MYO16: variants seen among roughly 807,000 people sequenced by gnomAD.
MYO16 encodes myosin XVI, also known as unconventional myosin-XVI.
Under a neutral mutation model 205.3 loss-of-function variants are expected in MYO16, and 94 were observed. The ratio of observed to expected loss-of-function variants is 0.46; its 90% CI spans 0.39 to 0.54. The LOEUF (loss-of-function observed/expected upper bound fraction) is 0.54. MYO16 is among the 20% of genes least tolerant of loss of function. MYO16 has a pLI of 0.00. For missense variants in MYO16, 2,315 were observed against 2,387.5 expected (o/e 0.97, Z 0.63); for synonymous variants, 988 against 954.0 (o/e 1.04, Z -0.66).
At chr13:108,784,019 A>G (rs1318712541) in intron 4 of MYO16, among the ~76,000 whole-genome samples, 1 of 152,162 alleles carries the variant, frequency 6.6e-6, no homozygotes, top group Non-Finnish European at 1.5e-5. Flanking sequence ...TTCCCATGTT[A>G]TGGCTACATG....
At chr13:108,690,432 T>C (rs1382672262) in intron 2 of MYO16, among the ~76,000 whole-genome samples, 5 of 50,708 alleles carry the variant, frequency 9.9e-5, no homozygotes, top group African/African-American at 2.9e-4. Flanking sequence ...GCTATGGGGG[T>C]GCTTTGGAGC....
At chr13:109,143,416 G>C (rs1474133136) in intron 32 of MYO16, among the ~76,000 whole-genome samples, 1 of 152,142 alleles carries the variant, frequency 6.6e-6, no homozygotes, top group African/African-American at 2.4e-5. Flanking sequence ...CTAAATAGCA[G>C]AATGTTTGAA....
At chr13:108,507,924 G>T in the MYO16 span, among the ~76,000 whole-genome samples, 3 of 151,578 alleles carry the variant, frequency 2.0e-5, no homozygotes, top group Non-Finnish European at 4.4e-5. Flanking sequence ...GGCCAAGTCT[G>T]TTGAACATTT....
At chr13:108,981,898 T>C (rs1236440481) in intron 20 of MYO16, among the ~76,000 whole-genome samples, 1 of 152,186 alleles carries the variant, frequency 6.6e-6, no homozygotes, top group Non-Finnish European at 1.5e-5. Flanking sequence ...ATTTTATGAG[T>C]GATTTGGGAG....
At chr13:108,654,096 G>GA (rs1881136338) in intron 1 of MYO16, among the ~76,000 whole-genome samples, 1 of 147,144 alleles carries the variant, frequency 6.8e-6, no homozygotes, top group African/African-American at 2.5e-5. Flanking sequence ...TGGCTTATGG[G>GA]ATGGGGTTAG....
chr13:108,640,103 T>C, intron 1 of MYO16, among the ~76,000 whole-genome samples: 1 of 152,272 alleles, frequency 6.6e-6, no homozygotes, highest in African/African-American at 2.4e-5. Context: ...TGGTTTCATT[T>C]AAGCCACAGG....
At chr13:109,206,581 G>GT (rs1397367651) in intron 34 of MYO16, 28 bp from the exon 35 acceptor site, 5 of 1,564,262 alleles carry the variant, frequency 3.2e-6, no homozygotes, top group East Asian at 2.2e-5. Context: ...GGTGCTACCT[G>GT]TTTTTTCTGC....
chr13:108,679,681 A>G (rs1882375600), intron 2 of MYO16, among the ~76,000 whole-genome samples: 1 of 150,780 alleles, frequency 6.6e-6, no homozygotes, highest in Non-Finnish European at 1.5e-5. Context: ...TCTAATGAAG[A>G]TAATCCTAAA....
chr13:108,500,354 C>T, the MYO16 span, among the ~76,000 whole-genome samples: 1 of 151,056 alleles, frequency 6.6e-6, no homozygotes, highest in Non-Finnish European at 1.5e-5. Context: ...CTCAGCCTCC[C>T]GAGTAGCTGC....
Position 108,709,573 on chromosome 13 carries a change from G to A in MYO16, c.293-3088G>A, listed in dbSNP as rs1006482482. Reference sequence around the variant, plus strand: ...GAGGGAATTAAAGTAATTCTTACACGTAAGGTACTCAGTACAGGGTTATAC... The same window carrying A: ...GAGGGAATTAAAGTAATTCTTACACATAAGGTACTCAGTACAGGGTTATAC... On this transcript the variant is annotated intron_variant, in intron 2 of 34. Transcript: ENST00000457511. 3.0e-5 allele frequency among the ~76,000 whole-genome samples: 4 copies of A among 134,698 alleles called. 1 individual carries two copies. The highest frequency in any genetic ancestry group is 7.6e-5 in the Admixed American group (1 of 13,214). 88.4% of individuals were successfully genotyped at this position (134,698 alleles called of 152,430 possible). A position where few individuals can be genotyped will look rare whatever the true frequency, so the allele number is the denominator to read the frequency against.
At chr13:108,570,190 G>A in the MYO16 span, among the ~76,000 whole-genome samples, 2 of 152,020 alleles carry the variant, frequency 1.3e-5, no homozygotes, top group Non-Finnish European at 2.9e-5. Flanking sequence ...GTGAAGGGCT[G>A]GTCTTGCTTG....
At chr13:109,074,689 G>A (rs1888033836) in intron 27 of MYO16, among the ~76,000 whole-genome samples, 1 of 152,082 alleles carries the variant, frequency 6.6e-6, no homozygotes, top group African/African-American at 2.4e-5. Context: ...CAGCGTGGGG[G>A]AACCAGCACA....
intron 19 of MYO16, among the ~76,000 whole-genome samples, chr13:108,964,460 C>G (rs1883710376): frequency 6.6e-6 from 1 of 152,162 alleles, no homozygotes; most frequent in South Asian, 2.1e-4. Flanking sequence ...AAAAGCCTTG[C>G]CAGGAGGGAC....
chr13:108,727,171 C>G (rs1391143621), intron 3 of MYO16, among the ~76,000 whole-genome samples: 1 of 151,704 alleles, frequency 6.6e-6, no homozygotes, highest in East Asian at 1.9e-4. Context: ...GAAATAAAAA[C>G]CAGTAAGTGA....
At chr13:108,670,519 G>A (rs1183490834) in intron 2 of MYO16, among the ~76,000 whole-genome samples, 2 of 152,094 alleles carry the variant, frequency 1.3e-5, no homozygotes, top group African/African-American at 4.8e-5. Flanking sequence ...TAACAGTGAG[G>A]GTGTGGAAAA....
intron 13 of MYO16, among the ~76,000 whole-genome samples, 193 bp from the exon 14 acceptor site, chr13:108,888,179 C>A (rs570108625): frequency 3.5e-4 from 53 of 152,260 alleles, no homozygotes; most frequent in African/African-American, 1.2e-3. Flanking sequence ...ACAAATGAAT[C>A]AAATTGAAGT....
the MYO16 span, among the ~76,000 whole-genome samples, chr13:108,541,035 G>A: frequency 6.6e-5 from 10 of 152,090 alleles, no homozygotes; most frequent in Non-Finnish European, 1.0e-4. Flanking sequence ...AATGAACGTT[G>A]TTTTCATTTG....
intron 15 of MYO16, among the ~76,000 whole-genome samples, chr13:108,901,283 C>T (rs999637977): frequency 1.3e-5 from 2 of 152,130 alleles, no homozygotes; most frequent in African/African-American, 2.4e-5. Context: ...TACACTCCCT[C>T]CCCTTTTGAA....
chr13:108,833,299 C>A (rs2139045987), intron 9 of MYO16, among the ~76,000 whole-genome samples: 1 of 150,348 alleles, frequency 6.7e-6, no homozygotes, highest in African/African-American at 2.4e-5. Flanking sequence ...AAGGACCAAA[C>A]ATACAGCAAT....
Sources: gnomAD v4.1 joint callset for allele counts (sites outside exome capture counted in the v4.1 genomes callset) on GRCh38, gnomAD v4.1.1 for gene constraint, MANE v1.5 for transcripts, NCBI Gene and HGNC (gene_info 2026-07-23, HGNC 2026-07-21) for gene names.